The following DENND5A variants were observed in gnomAD, a reference collection of about 807,000 sequenced individuals.
DENND5A encodes the protein DENN domain-containing protein 5A.
Under a neutral mutation model 140.3 loss-of-function variants are expected in DENND5A, and 64 were observed. The observed-to-expected ratio is 0.46, with a 90% CI of 0.37 to 0.56. The LOEUF (loss-of-function observed/expected upper bound fraction) is 0.56, where lower values mean the gene tolerates loss of function less well. Ranked by LOEUF, DENND5A falls within the 20% of genes least tolerant of loss-of-function variation. The pLI is 0.00. For missense variants in DENND5A, 1,292 were observed against 1,593.8 expected (o/e 0.81, Z 3.22); for synonymous variants, 605 against 607.7 (o/e 1.00, Z 0.07).
At chr11:9,179,547 T>C (rs887482738) in intron 6 of DENND5A, among the ~76,000 whole-genome samples, 1 of 150,206 alleles carries the variant, frequency 6.7e-6, no homozygotes, top group Non-Finnish European at 1.5e-5. Flanking sequence ...TTGCCCAGGC[T>C]GGAGTGCAAT....
At chr11:9,159,288 T>G (rs948104457) in intron 12 of DENND5A, among the ~76,000 whole-genome samples, 1 of 152,092 alleles carries the variant, frequency 6.6e-6, no homozygotes, top group Admixed American at 6.6e-5. Flanking sequence ...AAGATGACAC[T>G]ATTATGACTA....
intron 16 of DENND5A, among the ~76,000 whole-genome samples, chr11:9,146,542 G>A (rs374059885): frequency 2.0e-5 from 3 of 152,222 alleles, no homozygotes; most frequent in East Asian, 3.8e-4. Flanking sequence ...GACACATAAT[G>A]AGTTAGCCAA....
rs748725183 is a variant in DENND5A at position 9,144,251 on chromosome 11, C to G, written c.3150G>C (p.Lys1050Asn). The change falls in exon 19 of 23, where the codon AAG becomes AAC. Residue 1050 changes from lysine to asparagine, a missense_variant. Physicochemically the swap from Lys to Asn is moderately conservative, Grantham distance 94. Transcript: ENST00000328194. ...GCTCCAGGCTTCCATCATCCATGCC[C>G]TTCCCTAACCACCGGCCACACGGGA... Reference protein sequence around the residue: ...YKFPCGRWLGKGMDDGSLERI... With the variant: ...YKFPCGRWLGNGMDDGSLERI... 6.2e-7 allele frequency: 1 copy of G among 1,614,108 alleles called. No individual in the cohort carries two copies. The highest frequency in any genetic ancestry group is 8.5e-7 in the Non-Finnish European group (1 of 1,180,004).
intron 1 of DENND5A, among the ~76,000 whole-genome samples, chr11:9,248,292 T>A (rs573358916): frequency 1.3e-5 from 2 of 152,204 alleles, no homozygotes; most frequent in East Asian, 3.9e-4. Flanking sequence ...TGGAATTTCG[T>A]ATCTTATTGT....
At chr11:9,264,770 C>A (rs1454987726) in intron 1 of DENND5A, among the ~76,000 whole-genome samples, 191 bp downstream of exon 1, 2 of 152,160 alleles carry the variant, frequency 1.3e-5, no homozygotes, top group Non-Finnish European at 2.9e-5. Flanking sequence ...AGGTTTGGAC[C>A]CCTCATGGCT....
rs1847376676 is a variant in DENND5A, at chr11:9,144,982, AG to A, written c.3122+12del. On this transcript the variant is annotated intron_variant, in intron 18 of 22. Transcript: ENST00000328194. ...CCTTGCCCCTCTACCTTACAGCCTG[AG>A]GGTATACTTACTTGTAGGTATGTCC... The A allele has an allele frequency of 1.3e-6, 2 of 1,579,948 alleles. No homozygotes were observed. The highest frequency in any genetic ancestry group is 8.7e-7 in the Non-Finnish European group (1 of 1,148,970).
chr11:9,238,912 A>T (rs1185996138), intron 1 of DENND5A, among the ~76,000 whole-genome samples: 1 of 149,984 alleles, frequency 6.7e-6, no homozygotes, highest in Non-Finnish European at 1.5e-5. Context: ...GCTCATTGCA[A>T]TTTCCGCCTC....
chr11:9,144,316 C>A, intron 18 of DENND5A, 38 bp from the exon 19 acceptor site: 6 of 1,602,460 alleles, frequency 3.7e-6, no homozygotes, highest in Middle Eastern at 2.0e-4. Flanking sequence ...GCAGCCAGCT[C>A]CTCCCTGCTG....
chr11:9,170,466 T>G (rs1400472613), intron 9 of DENND5A, among the ~76,000 whole-genome samples, 161 bp downstream of exon 9: 1 of 152,170 alleles, frequency 6.6e-6, no homozygotes, highest in Admixed American at 6.5e-5. Context: ...TGTCACATAC[T>G]TTCTTGTTCA....
intron 1 of DENND5A, among the ~76,000 whole-genome samples, chr11:9,230,691 C>T (rs1374823972): frequency 6.6e-6 from 1 of 152,110 alleles, no homozygotes; most frequent in Non-Finnish European, 1.5e-5. Context: ...TCATCTATAA[C>T]ATGAGGAGAA....
chr11:9,165,775 C>T (rs904020761), intron 11 of DENND5A, 61 bp downstream of exon 11: 26 of 1,592,702 alleles, frequency 1.6e-5, no homozygotes, highest in Non-Finnish European at 2.2e-5. Flanking sequence ...CAGAGCCAAT[C>T]CTTGGTCTTA....
Position 9,143,623 on chromosome 11 carries a change from C to T in DENND5A, c.3305-138G>A. 3 of 704,704 alleles carry T rather than the reference C, an allele frequency of 4.3e-6. No homozygotes were observed. In the South Asian group the frequency reaches 4.8e-5, roughly 11 times the overall value. 43.7% of individuals were successfully genotyped at this position (704,704 alleles called of 1,614,324 possible). A position where few individuals can be genotyped will look rare whatever the true frequency, so the allele number is the denominator to read the frequency against. On this transcript the variant is annotated intron_variant, in intron 19 of 22. Coordinates refer to ENST00000328194, the MANE Select transcript of DENND5A (RefSeq NM_015213.4). ...GGACCCTAGGAAGCAGAGGCGCTTG[C>T]CCACCCAGCTTTGCTGATTTAGCTC...
In DENND5A at chr11:9,189,888, C is replaced by T. The variant is rs145800567; in HGVS notation, c.1137+3606G>A. Among the ~76,000 whole-genome samples the T allele has an allele frequency of 2.0e-3, 312 of 152,316 alleles. 8 individuals are homozygous for T. The East Asian group carries it at 0.044, about 21-fold the overall frequency. On this transcript the variant is annotated intron_variant, in intron 5 of 22. Coordinates refer to ENST00000328194, the MANE Select transcript of DENND5A (RefSeq NM_015213.4). ...CTCCCGACCTCAGGTGATCCACCTG[C>T]CTCGGCCTCCCAAAGTGCTGGGATT...
intron 12 of DENND5A, among the ~76,000 whole-genome samples, chr11:9,155,210 G>C (rs977567881): frequency 2.0e-5 from 3 of 151,982 alleles, no homozygotes; most frequent in African/African-American, 7.3e-5. Flanking sequence ...AATATTTATG[G>C]TCTTTGACTT....
intron 10 of DENND5A, 27 bp from the exon 11 acceptor site, chr11:9,165,994 C>G (rs367858544): frequency 2.0e-5 from 33 of 1,613,244 alleles, no homozygotes; most frequent in Non-Finnish European, 2.6e-5. Context: ...AATAAAGACC[C>G]TTTGTGTCCA....
intron 12 of DENND5A, 109 bp downstream of exon 12, chr11:9,160,604 G>T: frequency 2.1e-6 from 2 of 930,888 alleles, no homozygotes; most frequent in Non-Finnish European, 1.6e-6. Context: ...CCAGGGCACT[G>T]TGCACCATTC....
chr11:9,189,612 TGTTTG>T (rs1849040420), intron 5 of DENND5A, among the ~76,000 whole-genome samples: 1 of 144,762 alleles, frequency 6.9e-6, no homozygotes, highest in Non-Finnish European at 1.5e-5. Flanking sequence ...TTGTTGCTGT[TGTTTG>T]GTTTTTTTTT....
At chr11:9,217,028 C>T (rs532158549) in intron 1 of DENND5A, among the ~76,000 whole-genome samples, 22 of 152,076 alleles carry the variant, frequency 1.4e-4, no homozygotes, top group Non-Finnish European at 2.5e-4. Context: ...AGAGCAAGAT[C>T]CCATCTCAAA....
chr11:9,144,411 T>A (rs540438320), intron 18 of DENND5A, 133 bp from the exon 19 acceptor site: 399 of 875,744 alleles, frequency 4.6e-4, no homozygotes, highest in Non-Finnish European at 6.3e-4. Context: ...CTCTGCTGGT[T>A]CCACCATGTA....
Sources: allele counts gnomAD v4.1 joint callset (sites outside exome capture counted in the v4.1 genomes callset), GRCh38; gene constraint gnomAD v4.1.1; transcripts MANE v1.5; gene names NCBI Gene and HGNC (gene_info 2026-07-23, HGNC 2026-07-21).